SLC25A37: variants seen among roughly 807,000 people sequenced by gnomAD.
The protein encoded by SLC25A37 is solute carrier family 25 member 37, also known as mitoferrin-1.
SLC25A37 carries 17 observed loss-of-function variants against 31.0 expected under a neutral mutation model. The observed-to-expected ratio is 0.55, with a 90% CI of 0.38 to 0.82. The LOEUF is 0.82. Among genes scored for constraint, SLC25A37 ranks in the 40% least tolerant of loss-of-function variants. The pLI is 0.00. For missense variants in SLC25A37, 404 were observed against 465.8 expected (o/e 0.87, Z 1.22); for synonymous variants, 222 against 193.0 (o/e 1.15, Z -1.24).
At chr8:23,532,155 C>G (rs946997145) in intron 1 of SLC25A37, among the ~76,000 whole-genome samples, 1 of 152,174 alleles carries the variant, frequency 6.6e-6, no homozygotes, top group African/African-American at 2.4e-5. Context: ...TTTGGAAGAC[C>G]TTTGGCAACT....
At chr8:23,546,876 A>G (rs184276937) in intron 1 of SLC25A37, among the ~76,000 whole-genome samples, 27 of 151,874 alleles carry the variant, frequency 1.8e-4, no homozygotes, top group Non-Finnish European at 3.5e-4. Context: ...GTAATTTGCT[A>G]TTATGGGGGT....
intron 2 of SLC25A37, 38 bp from the exon 3 acceptor site, chr8:23,568,284 C>G (rs770491509): frequency 6.2e-7 from 1 of 1,611,800 alleles, no homozygotes. Flanking sequence ...TGAGAACACC[C>G]GATCGCAGAG....
chr8:23,536,242 C>T (rs754946438), intron 1 of SLC25A37, among the ~76,000 whole-genome samples: 4 of 152,178 alleles, frequency 2.6e-5, no homozygotes, highest in Non-Finnish European at 5.9e-5. Flanking sequence ...ACCTCACATG[C>T]ACCCCCAATG....
intron 2 of SLC25A37, chr8:23,566,881 G>A (rs1585203146): frequency 1.8e-5 from 17 of 946,498 alleles, no homozygotes; most frequent in Middle Eastern, 5.3e-4. Flanking sequence ...TTAAGCTTCC[G>A]GGGATCTGGG....
chr8:23,546,579 TATA>T (rs1454466015), intron 1 of SLC25A37, among the ~76,000 whole-genome samples: 1,245 of 64,622 alleles, frequency 0.019, 49 homozygotes, highest in African/African-American at 0.11. Context: ...TATATATATA[TATA>T]GTGTATATAT....
Position 23,546,587 on chromosome 8 carries a change from A to G in SLC25A37, c.210+17375A>G, listed in dbSNP as rs1184512513. 3.7e-3 allele frequency among the ~76,000 whole-genome samples: 250 copies of G among 68,140 alleles called. 6 individuals carry two copies. The highest frequency in any genetic ancestry group is 0.022 in the African/African-American group (231 of 10,346). 44.7% of individuals were successfully genotyped at this position (68,140 alleles called of 152,430 possible). ...ATATATATATATATATATATAGTGT[A>G]TATATATATAGTGTATGTGTGTGTG... On this transcript the variant is annotated intron_variant, in intron 1 of 3. Transcript: ENST00000519973.
intron 1 of SLC25A37, among the ~76,000 whole-genome samples, chr8:23,556,781 G>A (rs1360842399): frequency 2.0e-5 from 3 of 152,094 alleles, no homozygotes; most frequent in Non-Finnish European, 4.4e-5. Context: ...GCAGTTAAAG[G>A]ATTATTTGTG....
At chr8:23,530,440 G>C (rs892164140) in intron 1 of SLC25A37, among the ~76,000 whole-genome samples, 8 of 152,206 alleles carry the variant, frequency 5.3e-5, no homozygotes, top group Non-Finnish European at 4.4e-5. Context: ...TCCCGGCTCC[G>C]GGGAGCTCGC....
At chr8:23,566,387 T>C in intron 2 of SLC25A37, 51 bp downstream of exon 2, 1 of 1,567,442 alleles carries the variant, frequency 6.4e-7, no homozygotes, top group Non-Finnish European at 8.6e-7. Flanking sequence ...CTTCAACACG[T>C]CCCTCCCCAG....
chr8:23,529,759 T>G lies in SLC25A37; in HGVS notation c.210+547T>G, dbSNP rs1407012655. Among the ~76,000 whole-genome samples the G allele has an allele frequency of 6.6e-6, 1 of 152,154 alleles. No individual in the cohort carries two copies. Among genetic ancestry groups the G allele is most frequent in the Admixed American group, 6.5e-5 (1 of 15,274 alleles). The stretch of plus-strand genomic sequence containing the variant: ...GAACTTGGGGCCGGCAAGTCTTCTC[T>G]CGACTAGTGGCAGCTCTTTACCGGT... On this transcript the variant is annotated intron_variant, in intron 1 of 3. Coordinates refer to ENST00000519973, the MANE Select transcript of SLC25A37 (RefSeq NM_016612.4). This position sits in a 1 kb window ranked among gnomAD's most constrained non-coding sequence, Gnocchi z 4.1.
At chr8:23,567,496 G>A (rs192637502) in intron 2 of SLC25A37, 60 of 152,836 alleles carry the variant, frequency 3.9e-4, no homozygotes, top group Non-Finnish European at 7.2e-4. Flanking sequence ...TGCAATATGT[G>A]GTGTATGCTG....
chr8:23,555,510 A>G (rs1272605719), intron 1 of SLC25A37, among the ~76,000 whole-genome samples: 1 of 152,158 alleles, frequency 6.6e-6, no homozygotes, highest in Admixed American at 6.5e-5. Flanking sequence ...GGTTATTGCT[A>G]TCTTAGCAGA....
chr8:23,555,426 A>G (rs2978470), intron 1 of SLC25A37, among the ~76,000 whole-genome samples: 70,975 of 151,856 alleles, frequency 0.47, 17,012 homozygotes, highest in African/African-American at 0.58. Flanking sequence ...CCTATAGCAC[A>G]TCCTGCTGTG....
rs1297766410 is a variant in SLC25A37, at chr8:23,559,362, T to TGCGTGTGTGC, written c.211-6743_211-6742insTGTGTGCGCG. Reference sequence around the variant, plus strand: ...TTGTGTGTGTGTGTGTGCGTGTGTGTGCGCGCGCGCGTGTGTGTGTTTATT... The same window carrying TGCGTGTGTGC: ...TTGTGTGTGTGTGTGTGCGTGTGTGTGCGTGTGTGCGCGCGCGCGCGTGTGTGTGTTTATT... On this transcript the variant is annotated intron_variant, in intron 1 of 3. Coordinates refer to ENST00000519973, the MANE Select transcript of SLC25A37 (RefSeq NM_016612.4). 2.2e-4 allele frequency among the ~76,000 whole-genome samples: 34 copies of TGCGTGTGTGC among 151,388 alleles called. No individual in the cohort carries two copies. In the South Asian group the frequency reaches 6.3e-3, roughly 28 times the overall value.
chr8:23,538,557 G>A (rs568794070), intron 1 of SLC25A37, among the ~76,000 whole-genome samples: 2 of 151,912 alleles, frequency 1.3e-5, no homozygotes, highest in East Asian at 3.9e-4. Flanking sequence ...TTGTGTGTGT[G>A]TGTAGAACCC....
chr8:23,563,339 G>A (rs75487817), intron 1 of SLC25A37, among the ~76,000 whole-genome samples: 4,637 of 152,144 alleles, frequency 0.03, 95 homozygotes, highest in Non-Finnish European at 0.045. Flanking sequence ...GAGGTGTGCC[G>A]CCATGCCTGG....
chr8:23,558,628 A>G (rs1369361683), intron 1 of SLC25A37, among the ~76,000 whole-genome samples: 1 of 152,154 alleles, frequency 6.6e-6, no homozygotes, highest in Admixed American at 6.5e-5. Flanking sequence ...ACTTTGTTCT[A>G]GCTTTGCTAG....
At chr8:23,546,558 A>AG (rs1802059264) in intron 1 of SLC25A37, among the ~76,000 whole-genome samples, 2 of 32,674 alleles carry the variant, frequency 6.1e-5, no homozygotes, top group South Asian at 1.1e-3. Context: ...TATATAGTGT[A>AG]TATATATATA....
At chr8:23,554,776 G>A (rs1186439364) in intron 1 of SLC25A37, among the ~76,000 whole-genome samples, 1 of 152,218 alleles carries the variant, frequency 6.6e-6, no homozygotes, top group Non-Finnish European at 1.5e-5. Context: ...GGCCTGGCAA[G>A]CAGCTGTAGC....
Sources: gnomAD v4.1 joint callset for allele counts (sites outside exome capture counted in the v4.1 genomes callset) on GRCh38, gnomAD v4.1.1 for gene constraint, Gnocchi (gnomAD v3.1) non-coding constraint, MANE v1.5 for transcripts, NCBI Gene and HGNC (gene_info 2026-07-23, HGNC 2026-07-21) for gene names.